FMNL2: variants seen among roughly 807,000 people sequenced by gnomAD.
FMNL2 encodes the protein formin-like protein 2.
Under a neutral mutation model 130.2 loss-of-function variants are expected in FMNL2, and 51 were observed. The ratio of observed to expected loss-of-function variants is 0.39; its 90% confidence interval spans 0.31 to 0.49. The LOEUF is 0.49. Among genes scored for constraint, FMNL2 ranks in the 20% least tolerant of loss-of-function variants. FMNL2 has a pLI of 0.85. For missense variants in FMNL2, 977 were observed against 1,316.2 expected, an observed-to-expected ratio of 0.74 and a Z score of 3.99; for synonymous variants, 465 against 467.1, an observed-to-expected ratio of 1.00 and a Z score of 0.06.
At chr2:152,591,408 A>C (rs1163928905) in intron 9 of FMNL2, among the ~76,000 whole-genome samples, 1 of 152,154 alleles carries the variant, frequency 6.6e-6, no homozygotes, top group Non-Finnish European at 1.5e-5. Flanking sequence ...TTTCTTCAAA[A>C]CTGTGAAACA....
In FMNL2 at chr2:152,436,853, C is replaced by T. The variant is rs1687796807; in HGVS notation, c.118-85090C>T. The stretch of plus-strand genomic sequence containing the variant: ...TGGGAATTTTGGTGGACAAGTAGAC[C>T]CCTCTGTCCACGATATTTATATGTT... On this transcript the variant is annotated intron_variant, in intron 1 of 25. Transcript: ENST00000288670. 2.0e-5 allele frequency among the ~76,000 whole-genome samples: 3 copies of T among 152,188 alleles called. No individual in the cohort carries two copies. In the South Asian group the frequency reaches 6.2e-4, roughly 32 times the overall value.
At chr2:152,641,014 A>G (rs916619906) in intron 25 of FMNL2, 100 bp downstream of exon 25, 44 of 1,508,914 alleles carry the variant, frequency 2.9e-5, no homozygotes, top group Non-Finnish European at 3.9e-5. Context: ...CAGGGTTGTC[A>G]AGTTCATTAG....
At chr2:152,439,663 G>A (rs1299546390) in intron 1 of FMNL2, among the ~76,000 whole-genome samples, 2 of 151,744 alleles carry the variant, frequency 1.3e-5, no homozygotes, top group Non-Finnish European at 2.9e-5. Context: ...CCACGTAATA[G>A]GGACTCATTC....
chr2:152,576,247 A>G (rs1184023201), intron 7 of FMNL2, among the ~76,000 whole-genome samples: 1 of 150,968 alleles, frequency 6.6e-6, no homozygotes, highest in Non-Finnish European at 1.5e-5. Context: ...TATTCTTTCC[A>G]TTTTTTTTTG....
intron 1 of FMNL2, among the ~76,000 whole-genome samples, chr2:152,477,195 A>G (rs2105211360): frequency 6.6e-6 from 1 of 152,352 alleles, no homozygotes; most frequent in African/African-American, 2.4e-5. Context: ...CATGAGGATT[A>G]CCAAGAATTA....
chr2:152,591,842 C>T (rs972454207), intron 9 of FMNL2, among the ~76,000 whole-genome samples: 5 of 152,000 alleles, frequency 3.3e-5, no homozygotes, highest in African/African-American at 1.2e-4. Flanking sequence ...CGGTGGCTAA[C>T]GCCTGTAATC....
At chr2:152,639,504 T>A (rs369666045) in intron 23 of FMNL2, among the ~76,000 whole-genome samples, 1 of 151,960 alleles carries the variant, frequency 6.6e-6, no homozygotes, top group Non-Finnish European at 1.5e-5. Flanking sequence ...CATGGGAGAG[T>A]CCAAGAGTGT....
intron 1 of FMNL2, among the ~76,000 whole-genome samples, chr2:152,499,560 T>C (rs980684137): frequency 6.6e-6 from 1 of 152,240 alleles, no homozygotes; most frequent in African/African-American, 2.4e-5. Context: ...AGGGCCTGAT[T>C]CGTGAAACGA....
intron 2 of FMNL2, among the ~76,000 whole-genome samples, chr2:152,533,385 T>TTCATG (rs1375118106): frequency 1.3e-5 from 2 of 152,172 alleles, no homozygotes. Context: ...TGCTCTTTTT[T>TTCATG]TCATGAACTA....
chr2:152,515,070 T>C (rs1032294952), intron 1 of FMNL2, among the ~76,000 whole-genome samples: 3 of 152,124 alleles, frequency 2.0e-5, no homozygotes, highest in African/African-American at 7.2e-5. Context: ...GTAGTCATGA[T>C]TGCAGCCCAG....
chr2:152,575,203 C>T lies in FMNL2; in HGVS notation c.664C>T (p.His222Tyr), dbSNP rs1311304025. ...ATTAGTGAGTAAGAAAGATGATGTG[C>T]ATGTCTGTATCATGTGTTTACGTGC... ...SRLVSKKDDV[H>Y]VCIMCLRAIM... is the part of the protein sequence containing the mutation. Residue 222 changes from histidine (H) to tyrosine (Y), a missense_variant, in exon 7 of 26, where the codon CAT (histidine) becomes TAT (tyrosine). His to Tyr is a moderately conservative substitution (Grantham distance 83, BLOSUM62 2). Transcript: ENST00000288670. 3 of 1,606,484 alleles carry T rather than the reference C, an allele frequency of 1.9e-6. No homozygotes were observed.
chr2:152,610,163 GA>G (rs1698600050), intron 10 of FMNL2, among the ~76,000 whole-genome samples: 1 of 152,168 alleles, frequency 6.6e-6, no homozygotes, highest in Admixed American at 6.5e-5. Context: ...GGAATTTTTA[GA>G]TGTGGTTACC....
At position 152,647,984 on chromosome 2, in the gene FMNL2, T is replaced by G; in HGVS notation, c.*79T>G. The G allele has an allele frequency of 3.3e-6, 4 of 1,200,806 alleles. No homozygotes were observed. The highest frequency in any genetic ancestry group is 4.7e-6 in the Non-Finnish European group (4 of 847,612). The allele number at this position is 1,200,806 out of a possible 1,614,324, so 74.4% of individuals were successfully genotyped here. ...TGAACTTTATGTGCTACGATTTAAC[T>G]GCAGCCTTGAACACACACAAAAATA... On this transcript the variant is annotated 3_prime_UTR_variant, in exon 26 of 26. Coordinates refer to ENST00000288670, the MANE Select transcript of FMNL2 (RefSeq NM_052905.4).
intron 25 of FMNL2, 89 bp downstream of exon 25, chr2:152,641,003 C>A: frequency 6.4e-7 from 1 of 1,556,590 alleles, no homozygotes; most frequent in Non-Finnish European, 8.7e-7. Context: ...CTTCTTTTGT[C>A]CAGGGTTGTC....
intron 1 of FMNL2, among the ~76,000 whole-genome samples, chr2:152,400,876 T>C (rs1256917170): frequency 6.6e-6 from 1 of 152,182 alleles, no homozygotes; most frequent in Non-Finnish European, 1.5e-5. Flanking sequence ...TTAGGGGTAA[T>C]GATTTTGTAG....
intron 1 of FMNL2, among the ~76,000 whole-genome samples, chr2:152,517,439 T>C (rs1410898025): frequency 1.3e-5 from 2 of 152,188 alleles, no homozygotes; most frequent in Non-Finnish European, 2.9e-5. Flanking sequence ...CTTGAAGCAC[T>C]CAGTCCAGTG....
intron 18 of FMNL2, among the ~76,000 whole-genome samples, chr2:152,629,081 C>T (rs956274895): frequency 1.3e-5 from 2 of 152,144 alleles, no homozygotes; most frequent in Non-Finnish European, 2.9e-5. Context: ...TTATGAATAT[C>T]ATAAACTTCA....
At chr2:152,537,972 A>G (rs780613332) in intron 2 of FMNL2, among the ~76,000 whole-genome samples, 1 of 152,194 alleles carries the variant, frequency 6.6e-6, no homozygotes, top group African/African-American at 2.4e-5. Flanking sequence ...CAAAATGGAG[A>G]TAATATCTAC....
intron 1 of FMNL2, among the ~76,000 whole-genome samples, chr2:152,484,400 G>T (rs1690698607): frequency 6.6e-6 from 1 of 152,022 alleles, no homozygotes; most frequent in African/African-American, 2.4e-5. Context: ...AGCACTTTGG[G>T]AGGCTGAGGT....
Sources: gnomAD v4.1 joint callset for allele counts (sites outside exome capture counted in the v4.1 genomes callset) on GRCh38, gnomAD v4.1.1 for gene constraint, MANE v1.5 for transcripts, NCBI Gene and HGNC (gene_info 2026-07-23, HGNC 2026-07-21) for gene names.